Variants in MAP7D1 observed in about 807,000 individuals in gnomAD.
MAP7D1 encodes MAP7 domain containing 1, also known as MAP7 domain-containing protein 1.
In MAP7D1, 30 loss-of-function variants were observed where a neutral mutation model predicts 97.5. That is an observed-to-expected ratio of 0.31 (90% confidence interval 0.23 to 0.42). The LOEUF is 0.42. Ranked by LOEUF, MAP7D1 falls within the 10% of genes least tolerant of loss-of-function variation. The probability of loss-of-function intolerance (pLI) is 1.00; values close to 1 mark genes in which losing one functional copy is unlikely to be tolerated. For missense variants in MAP7D1, 1,184 were observed against 1,179.5 expected, an observed-to-expected ratio of 1.00 and a Z score of -0.06; for synonymous variants, 536 against 477.1, an observed-to-expected ratio of 1.12 and a Z score of -1.61.
At chr1:36,158,639 T>C (rs890778158) in intron 1 of MAP7D1, among the ~76,000 whole-genome samples, 1 of 152,152 alleles carries the variant, frequency 6.6e-6, no homozygotes, top group African/African-American at 2.4e-5. Context: ...GTGGGGTTAA[T>C]GTGAGGGTTA....
At chr1:36,177,623 G>T in intron 8 of MAP7D1, 2 of 733,342 alleles carry the variant, frequency 2.7e-6, no homozygotes, top group East Asian at 2.7e-5. Context: ...CCCAAGCATG[G>T]TTTTTTCTCT....
At chr1:36,168,707 C>T (rs748991548) in intron 1 of MAP7D1, among the ~76,000 whole-genome samples, 14 of 151,950 alleles carry the variant, frequency 9.2e-5, no homozygotes, top group Non-Finnish European at 1.9e-4. Context: ...AGGAATGAGG[C>T]GGAAAATAGT....
intron 1 of MAP7D1, among the ~76,000 whole-genome samples, chr1:36,165,917 A>G (rs1379383253): frequency 1.3e-5 from 2 of 151,570 alleles, no homozygotes; most frequent in Non-Finnish European, 2.9e-5. Flanking sequence ...TTTTTAGTAG[A>G]CGGGATTTCG....
Position 36,176,483 on chromosome 1 carries a change from G to A in MAP7D1, c.1135G>A (p.Val379Met), listed in dbSNP as rs1183449861. 2.8e-6 allele frequency: 4 copies of A among 1,424,800 alleles called. No homozygotes were observed. Among genetic ancestry groups the A allele is most frequent in the South Asian group, 2.7e-5 (2 of 74,392 alleles). The allele number at this position is 1,424,800 out of a possible 1,614,324, so 88.3% of individuals were successfully genotyped here. ...PLTPCSVTRS[V>M]HRCAPAGERG... ...GACGCCGTGCAGCGTCACCCGAAGC[G>A]TGCACCGCTGCGCCCCCGCCGGTGA... The change falls in exon 7 of 17, where the codon GTG (valine) becomes ATG (methionine). Residue 379 changes from valine (V) to methionine (M), a missense_variant. By Grantham distance (21) the Val-to-Met change is conservative (BLOSUM62 1). Transcript: ENST00000474796. The surrounding 1 kb of genome is among the most constrained non-coding windows in gnomAD (Gnocchi z 6.1).
rs1209680392 is a variant in MAP7D1 at position 36,156,582 on chromosome 1, G to A, written c.46+119G>A. Reference sequence around the variant, plus strand: ...CCGCTGCCGCGCCCTCTGACCACTTGGAAGTTTAAAAATAAAGGCTGCGGC... The same window carrying A: ...CCGCTGCCGCGCCCTCTGACCACTTAGAAGTTTAAAAATAAAGGCTGCGGC... On this transcript the variant is annotated intron_variant, in intron 1 of 16. Coordinates refer to ENST00000474796, the MANE Select transcript of MAP7D1 (RefSeq NM_001388490.1). 7.6e-6 allele frequency: 6 copies of A among 785,864 alleles called. No homozygotes were observed. In the East Asian group the frequency reaches 1.7e-4, roughly 22 times the overall value. The allele number at this position is 785,864 out of a possible 1,614,324, so 48.7% of individuals were successfully genotyped here. A position where few individuals can be genotyped will look rare whatever the true frequency, so the allele number is the denominator to read the frequency against.
intron 1 of MAP7D1, among the ~76,000 whole-genome samples, chr1:36,168,341 ACT>A: frequency 6.6e-6 from 1 of 151,330 alleles, no homozygotes; most frequent in Non-Finnish European, 1.5e-5. Context: ...TAGTTCTATG[ACT>A]CTGTGTGGAT....
rs1259173310 is a variant in MAP7D1 at position 36,176,627 on chromosome 1, C to A, written c.1233+46C>A. ...GAGTGGCCGCGCAGGTGGGGACAGG[C>A]AGCCTGGAACTGGGGTACGCGGGCG... On this transcript the variant is annotated intron_variant, in intron 7 of 16. Transcript: ENST00000474796. The surrounding 1 kb of genome is among the most constrained non-coding windows in gnomAD (Gnocchi z 6.1). 1.9e-6 allele frequency: 3 copies of A among 1,568,134 alleles called. No individual in the cohort carries two copies. The highest frequency in any genetic ancestry group is 2.7e-5 in the African/African-American group (2 of 74,082).
chr1:36,161,788 C>G (rs1324861671), intron 1 of MAP7D1, among the ~76,000 whole-genome samples: 1 of 152,050 alleles, frequency 6.6e-6, no homozygotes, highest in East Asian at 1.9e-4. Context: ...GTACCTGGCC[C>G]CGTACTCTGT....
At position 36,176,360 on chromosome 1, in the gene MAP7D1, C is replaced by T. The variant is rs761765823; in HGVS notation, c.1012C>T (p.Arg338Trp). The T allele has an allele frequency of 7.2e-6, 11 of 1,524,080 alleles. No homozygotes were observed. The East Asian group carries it at 7.6e-5, about 10-fold the overall frequency. 94.4% of individuals were successfully genotyped at this position (1,524,080 alleles called of 1,614,324 possible). Residue 338 changes from arginine to tryptophan, a missense_variant, in exon 7 of 17, where the codon CGG (arginine) becomes TGG (tryptophan). Coordinates refer to ENST00000474796, the MANE Select transcript of MAP7D1 (RefSeq NM_001388490.1). The surrounding 1 kb of genome is among the most constrained non-coding windows in gnomAD (Gnocchi z 6.1). ...CDPGRGPTWGRAGASLARGPQ... is the reference protein window; with the variant it reads ...CDPGRGPTWGWAGASLARGPQ... ...CCCTGGGAGAGGCCCCACGTGGGGC[C>T]GGGCAGGGGCCAGCCTGGCGCGCGG...
chr1:36,178,255 T>G, intron 9 of MAP7D1, 54 bp downstream of exon 9: 6 of 1,487,184 alleles, frequency 4.0e-6, no homozygotes, highest in Non-Finnish European at 5.4e-6. Context: ...CAGCTTCTCC[T>G]GTGTGGGGGT....
Position 36,172,519 on chromosome 1 carries a change from G to A in MAP7D1, c.516G>A (p.Glu172=), listed in dbSNP as rs1284799770. The A allele has an allele frequency of 6.2e-7, 1 of 1,602,806 alleles. No individual in the cohort carries two copies. Among genetic ancestry groups the A allele is most frequent in the Admixed American group, 1.7e-5 (1 of 59,694 alleles). Residue 172 remains glutamate (E), a synonymous_variant, in exon 4 of 17, where the codon GAG becomes GAA. Transcript: ENST00000474796. ...EKEEKAKALR[E]KQLQERRRRL... ...AGGAGAAGGCCAAGGCGCTGCGGGAGAAGCAGCTCCAGGAGCGCCGGCGCC... is the reference window on the plus strand; with the variant it reads ...AGGAGAAGGCCAAGGCGCTGCGGGAAAAGCAGCTCCAGGAGCGCCGGCGCC...
Position 36,179,768 on chromosome 1 carries a change from C to A in MAP7D1, c.2318+12C>A. On this transcript the variant is annotated intron_variant, in intron 15 of 16. Coordinates refer to ENST00000474796, the MANE Select transcript of MAP7D1 (RefSeq NM_001388490.1). ...GAGCCTCAGTGGAGGTACCAGCTTC[C>A]AATCCCAGGGTCCCTGAGCAGGGAG... 1 of 1,534,612 alleles carries A rather than the reference C, an allele frequency of 6.5e-7. No homozygotes were observed. Among genetic ancestry groups the A allele is most frequent in the East Asian group, 2.3e-5 (1 of 43,714 alleles).
At chr1:36,158,926 G>C (rs1644372706) in intron 1 of MAP7D1, among the ~76,000 whole-genome samples, 1 of 152,166 alleles carries the variant, frequency 6.6e-6, no homozygotes, top group Non-Finnish European at 1.5e-5. Context: ...TGAGAATAAT[G>C]CTAGAAATTA....
At chr1:36,175,186 C>T (rs900696002) in intron 6 of MAP7D1, among the ~76,000 whole-genome samples, 178 bp downstream of exon 6, 1 of 152,130 alleles carries the variant, frequency 6.6e-6, no homozygotes, top group African/African-American at 2.4e-5. Flanking sequence ...TGGGTCTGGA[C>T]CCTGAGGACA....
rs113489132 is a variant in MAP7D1, at chr1:36,176,552, C to T, written c.1204C>T (p.Pro402Ser). The T allele has an allele frequency of 3.4e-6, 5 of 1,458,320 alleles. No individual in the cohort carries two copies. Among genetic ancestry groups the T allele is most frequent in the Admixed American group, 2.6e-5 (1 of 38,090 alleles). The allele number at this position is 1,458,320 out of a possible 1,614,324, so 90.3% of individuals were successfully genotyped here. ...GCCCAACGCCGGGGGCAGCCCCGCT[C>T]CGGTGCGCCGCCGGCCGGAGGCCTC... is the stretch of plus-strand genomic sequence containing the variant. ...RKPNAGGSPA[P>S]VRRRPEASPV... The change falls in exon 7 of 17, where the codon CCG (proline) becomes TCG (serine). Residue 402 changes from proline (P) to serine (S), a missense_variant. Pro to Ser is a moderately conservative substitution (Grantham distance 74, BLOSUM62 -1). Coordinates refer to ENST00000474796, the MANE Select transcript of MAP7D1 (RefSeq NM_001388490.1). This position sits in a 1 kb window ranked among gnomAD's most constrained non-coding sequence, Gnocchi z 6.1.
chr1:36,169,067 C>A (rs988007495), intron 1 of MAP7D1, among the ~76,000 whole-genome samples: 1 of 151,810 alleles, frequency 6.6e-6, no homozygotes, highest in Non-Finnish European at 1.5e-5. Context: ...GCCTGGCCAA[C>A]ATGGTGAAAC....
In MAP7D1 at chr1:36,179,565, C is replaced by A. The variant is rs778021708; in HGVS notation, c.2227+8C>A. On this transcript the variant is annotated splice_region_variant and intron_variant, in intron 14 of 16. Coordinates refer to ENST00000474796, the MANE Select transcript of MAP7D1 (RefSeq NM_001388490.1). ...CCAACGGTTCCAGCCCAGGTAAAGCCCCCATTCCTCTCGCCTCCCTTCCCT... is the reference window on the plus strand; with the variant it reads ...CCAACGGTTCCAGCCCAGGTAAAGCACCCATTCCTCTCGCCTCCCTTCCCT... 23 of 1,563,578 alleles carry A rather than the reference C, an allele frequency of 1.5e-5. No individual in the cohort carries two copies. Among genetic ancestry groups the A allele is most frequent in the Non-Finnish European group, 2.0e-5 (23 of 1,153,032 alleles).
In MAP7D1 at chr1:36,178,478, A is replaced by G. The variant is rs777620146; in HGVS notation, c.1768A>G (p.Met590Val). The change falls in exon 10 of 17, where the codon ATG (methionine) becomes GTG (valine). Residue 590 changes from methionine to valine, a missense_variant. By Grantham distance (21) the Met-to-Val change is conservative. Transcript: ENST00000474796. The stretch of plus-strand genomic sequence containing the variant: ...TCCCCCGGTGACCCCTAGCAAACCA[A>G]TGGCCGGCACCACAGACCGAGAAGA... ...PAPPVTPSKP[M>V]AGTTDREEAT... 1.9e-6 allele frequency: 3 copies of G among 1,611,494 alleles called. No homozygotes were observed. Among genetic ancestry groups the G allele is most frequent in the East Asian group, 4.5e-5 (2 of 44,836 alleles).
chr1:36,176,329 C>A lies in MAP7D1; in HGVS notation c.981C>A (p.Gly327=). 1 of 1,537,108 alleles carries A rather than the reference C, an allele frequency of 6.5e-7. No homozygotes were observed. Among genetic ancestry groups the A allele is most frequent in the Admixed American group, 2.0e-5 (1 of 50,110 alleles). The change falls in exon 7 of 17, where the codon GGC becomes GGA. Residue 327 remains glycine (G), a synonymous_variant. Transcript: ENST00000474796. The surrounding 1 kb of genome is among the most constrained non-coding windows in gnomAD (Gnocchi z 6.1). ...LPRNGRDQGR[G]CDPGRGPTWG... is the part of the protein sequence containing the mutation. Reference sequence around the variant, plus strand: ...GCAACGGCCGGGACCAGGGTAGGGGCTGCGACCCTGGGAGAGGCCCCACGT... The same window carrying A: ...GCAACGGCCGGGACCAGGGTAGGGGATGCGACCCTGGGAGAGGCCCCACGT...
Sources: gnomAD v4.1 joint callset for allele counts (sites outside exome capture counted in the v4.1 genomes callset) on GRCh38, gnomAD v4.1.1 for gene constraint, Gnocchi (gnomAD v3.1) non-coding constraint, MANE v1.5 for transcripts, NCBI Gene and HGNC (gene_info 2026-07-23, HGNC 2026-07-21) for gene names.